The following STAG1 variants were observed in gnomAD, a reference collection of about 807,000 sequenced individuals.
STAG1 encodes cohesin subunit SA-1.
A neutral mutation model predicts 170.9 loss-of-function variants in STAG1; 26 were observed. The observed-to-expected ratio is 0.15, with a 90% CI of 0.11 to 0.21. STAG1 has a LOEUF of 0.21. Among genes scored for constraint, STAG1 ranks in the 10% least tolerant of loss-of-function variants. The pLI is 1.00. For missense variants in STAG1, 964 were observed against 1,509.5 expected, an observed-to-expected ratio of 0.64 and a Z score of 5.99; for synonymous variants, 514 against 497.7, an observed-to-expected ratio of 1.03 and a Z score of -0.44.
At chr3:136,732,043 T>C (rs998403357) in intron 1 of STAG1, among the ~76,000 whole-genome samples, 3 of 152,128 alleles carry the variant, frequency 2.0e-5, no homozygotes, top group Non-Finnish European at 4.4e-5. Context: ...CAGGAAATCT[T>C]GGAAACCAGC....
intron 1 of STAG1, among the ~76,000 whole-genome samples, chr3:136,673,443 C>T (rs1292852777): frequency 3.3e-5 from 5 of 151,908 alleles, no homozygotes; most frequent in Non-Finnish European, 5.9e-5. Flanking sequence ...TGTAATATAA[C>T]TAGAAAACAT....
intron 28 of STAG1, among the ~76,000 whole-genome samples, chr3:136,350,667 A>T (rs1414475197): frequency 6.6e-6 from 1 of 152,168 alleles, no homozygotes; most frequent in East Asian, 1.9e-4. Flanking sequence ...TCCCCATTTC[A>T]GTGGCATAAA....
At chr3:136,691,739 C>T (rs1398964358) in intron 1 of STAG1, among the ~76,000 whole-genome samples, 1 of 152,168 alleles carries the variant, frequency 6.6e-6, no homozygotes, top group Non-Finnish European at 1.5e-5. Flanking sequence ...CTTTAGAAAT[C>T]TTATGACATT....
intron 19 of STAG1, among the ~76,000 whole-genome samples, 198 bp downstream of exon 19, chr3:136,422,212 A>G (rs1349001048): frequency 6.6e-6 from 1 of 152,074 alleles, no homozygotes; most frequent in East Asian, 1.9e-4. Context: ...TTTTTATGAC[A>G]GATTTTTAGA....
intron 28 of STAG1, among the ~76,000 whole-genome samples, chr3:136,354,023 C>T (rs1056123000): frequency 1.3e-5 from 2 of 151,944 alleles, no homozygotes; most frequent in Admixed American, 6.6e-5. Flanking sequence ...GATGGCAATT[C>T]GAATCCACAG....
intron 1 of STAG1, among the ~76,000 whole-genome samples, chr3:136,750,545 T>C (rs573167516): frequency 3.2e-4 from 49 of 152,356 alleles, no homozygotes; most frequent in Admixed American, 5.9e-4. Flanking sequence ...TATTTAAATA[T>C]TCCTTAGCCT....
At chr3:136,517,566 A>G (rs908396097) in intron 7 of STAG1, among the ~76,000 whole-genome samples, 8 of 152,146 alleles carry the variant, frequency 5.3e-5, no homozygotes, top group African/African-American at 1.9e-4. Flanking sequence ...TTTTAACTTC[A>G]TAATACCAAA....
chr3:136,354,372 G>A (rs1447799903), intron 28 of STAG1, among the ~76,000 whole-genome samples: 1 of 152,070 alleles, frequency 6.6e-6, no homozygotes, highest in Non-Finnish European at 1.5e-5. Flanking sequence ...GGCTTACTGC[G>A]ACCTCTGCCC....
chr3:136,441,723 AC>A (rs2088637794), intron 15 of STAG1, among the ~76,000 whole-genome samples: 1 of 152,138 alleles, frequency 6.6e-6, no homozygotes, highest in Non-Finnish European at 1.5e-5. Context: ...AAAAGGATGA[AC>A]CACACAGGAG....
intron 5 of STAG1, among the ~76,000 whole-genome samples, chr3:136,549,353 C>T (rs919214475): frequency 6.6e-6 from 1 of 152,010 alleles, no homozygotes; most frequent in Non-Finnish European, 1.5e-5. Flanking sequence ...ACTTGTCACC[C>T]AAGCTGGAGT....
chr3:136,349,463 A>AT, intron 28 of STAG1, 100 bp from the exon 29 acceptor site: 1 of 829,058 alleles, frequency 1.2e-6, no homozygotes, highest in Non-Finnish European at 2.0e-6. Context: ...GTTCTGAAGA[A>AT]TACCTAAGGA....
intron 5 of STAG1, among the ~76,000 whole-genome samples, chr3:136,563,314 T>A (rs1936917700): frequency 6.6e-6 from 1 of 152,154 alleles, no homozygotes; most frequent in South Asian, 2.1e-4. Flanking sequence ...TTCAGTGTGG[T>A]TGTTATTATG....
chr3:136,383,422 T>G (rs1938085285), intron 22 of STAG1, among the ~76,000 whole-genome samples: 1 of 152,204 alleles, frequency 6.6e-6, no homozygotes, highest in South Asian at 2.1e-4. Context: ...AAAAGTTACA[T>G]TCCTCATATT....
intron 1 of STAG1, among the ~76,000 whole-genome samples, chr3:136,721,660 C>T (rs1360272024): frequency 2.0e-5 from 3 of 151,772 alleles, no homozygotes; most frequent in African/African-American, 7.3e-5. Flanking sequence ...GAGGCTGAGG[C>T]GGGCGGATCA....
At chr3:136,608,637 A>G (rs1419520624) in intron 3 of STAG1, among the ~76,000 whole-genome samples, 1 of 150,328 alleles carries the variant, frequency 6.7e-6, no homozygotes, top group African/African-American at 2.5e-5. Context: ...CAACATGGCA[A>G]AAGCCCATCT....
At chr3:136,499,338 C>T (rs1020253809) in intron 9 of STAG1, among the ~76,000 whole-genome samples, 1 of 152,132 alleles carries the variant, frequency 6.6e-6, no homozygotes, top group Non-Finnish European at 1.5e-5. Context: ...GTGCACACTA[C>T]CACACCGGGC....
chr3:136,654,908 G>A (rs911755851), intron 1 of STAG1, among the ~76,000 whole-genome samples: 15 of 152,224 alleles, frequency 9.9e-5, no homozygotes, highest in African/African-American at 3.4e-4. Context: ...AAGGACAGTC[G>A]TTTCAACACA....
chr3:136,723,388 C>T (rs1391038877), intron 1 of STAG1, among the ~76,000 whole-genome samples: 1 of 150,740 alleles, frequency 6.6e-6, no homozygotes, highest in African/African-American at 2.5e-5. Context: ...GCCGCGACCC[C>T]GTCTGGGAGG....
At chr3:136,341,593 T>C in intron 30 of STAG1, 42 bp from the exon 31 acceptor site, 1 of 1,347,978 alleles carries the variant, frequency 7.4e-7, no homozygotes, top group Non-Finnish European at 1.1e-6. Flanking sequence ...CAGCAGATGA[T>C]GAATTTAGCT....
Sources: gnomAD v4.1 joint callset for allele counts (sites outside exome capture counted in the v4.1 genomes callset) on GRCh38, gnomAD v4.1.1 for gene constraint, MANE v1.5 for transcripts, NCBI Gene and HGNC (gene_info 2026-07-23, HGNC 2026-07-21) for gene names.